GFOD1: variants seen among roughly 807,000 people sequenced by gnomAD.
The protein encoded by GFOD1 is Gfo/Idh/MocA-like oxidoreductase domain containing 1.
A neutral mutation model predicts 25.4 loss-of-function variants in GFOD1; 9 were observed. The observed-to-expected ratio is 0.35, with a 90% CI of 0.21 to 0.62. The LOEUF (loss-of-function observed/expected upper bound fraction) is 0.62, where lower values mean the gene tolerates loss of function less well. Ranked by LOEUF, GFOD1 falls within the 20% of genes least tolerant of loss-of-function variation. The probability of loss-of-function intolerance (pLI) is 0.72; values close to 1 mark genes in which losing one functional copy is unlikely to be tolerated. For missense variants in GFOD1, 403 were observed against 556.9 expected (o/e 0.72, Z 2.78); for synonymous variants, 253 against 245.6 (o/e 1.03, Z -0.28).
intron 1 of GFOD1, among the ~76,000 whole-genome samples, chr6:13,447,177 T>A (rs1451436370): frequency 1.3e-5 from 2 of 152,202 alleles, no homozygotes; most frequent in African/African-American, 4.8e-5. Flanking sequence ...GGCTGAAATC[T>A]GAGATGAAGG....
At chr6:13,371,660 G>C (rs967975871) in intron 1 of GFOD1, among the ~76,000 whole-genome samples, 1 of 152,204 alleles carries the variant, frequency 6.6e-6, no homozygotes, top group African/African-American at 2.4e-5. Flanking sequence ...TTTGTGTTTT[G>C]CCAAGCCCCA....
chr6:13,385,088 G>C (rs1785441862), intron 1 of GFOD1, among the ~76,000 whole-genome samples: 1 of 152,172 alleles, frequency 6.6e-6, no homozygotes. Context: ...CCTACAATGA[G>C]AGTTGCAGGC....
intron 1 of GFOD1, among the ~76,000 whole-genome samples, chr6:13,451,285 T>C (rs544900092): frequency 9.9e-5 from 15 of 152,228 alleles, no homozygotes; most frequent in African/African-American, 2.2e-4. Context: ...GGCTTTGACA[T>C]TGACGAGGCC....
intron 1 of GFOD1, among the ~76,000 whole-genome samples, chr6:13,424,365 G>A (rs767956500): frequency 1.2e-4 from 18 of 152,020 alleles, no homozygotes; most frequent in Non-Finnish European, 2.1e-4. Flanking sequence ...GATGATGATG[G>A]TGACCACGGT....
chr6:13,448,893 CAG>C (rs991403028), intron 1 of GFOD1, among the ~76,000 whole-genome samples: 4 of 152,190 alleles, frequency 2.6e-5, no homozygotes, highest in South Asian at 2.1e-4. Flanking sequence ...GTCTCTAAAA[CAG>C]GGGCTAATTT....
intron 1 of GFOD1, chr6:13,470,298 G>A (rs371728905): frequency 7.4e-5 from 118 of 1,585,180 alleles, no homozygotes; most frequent in Non-Finnish European, 2.1e-5. Context: ...GGCTGTGGCT[G>A]GAGGCCCGCT....
At chr6:13,470,526 G>A (rs530128402) in intron 1 of GFOD1, 11 of 1,549,662 alleles carry the variant, frequency 7.1e-6, no homozygotes, top group Admixed American at 3.9e-5. Context: ...TGTCCCATGT[G>A]GGGGTGCTGG....
chr6:13,399,739 A>T (rs1294106238), intron 1 of GFOD1, among the ~76,000 whole-genome samples: 1 of 152,246 alleles, frequency 6.6e-6, no homozygotes, highest in African/African-American at 2.4e-5. Context: ...TGAGGCTGGG[A>T]GGGTAGAGAA....
intron 1 of GFOD1, chr6:13,408,173 G>C: frequency 1.3e-6 from 1 of 762,376 alleles, no homozygotes; most frequent in Non-Finnish European, 1.6e-6. Flanking sequence ...AATAGCCTCT[G>C]CCTGATCAGA....
At position 13,360,535 on chromosome 6, in the gene GFOD1, T is replaced by C. The variant is rs1275220708; in HGVS notation, c.*4208A>G. On this transcript the variant is annotated 3_prime_UTR_variant, in exon 2 of 2. Transcript: ENST00000379287. ...CAAGAGCAAATTCCAAGGCCATCTA[T>C]AATAGTCAGCCAACAAGATTTTGAA... is the stretch of plus-strand genomic sequence containing the variant. 6 of 369,760 alleles carry C rather than the reference T, an allele frequency of 1.6e-5. No individual in the cohort carries two copies. The highest frequency in any genetic ancestry group is 2.7e-5 in the Non-Finnish European group (5 of 184,156). The allele number at this position is 369,760 out of a possible 1,614,324, so 22.9% of individuals were successfully genotyped here.
rs1025914656 is a variant in GFOD1, at chr6:13,433,363, C to T, written c.253+53275G>A. Among the ~76,000 whole-genome samples the T allele has an allele frequency of 3.3e-5, 5 of 152,202 alleles. 1 individual carries two copies. Among genetic ancestry groups the T allele is most frequent in the Admixed American group, 2.6e-4 (4 of 15,288 alleles). On this transcript the variant is annotated intron_variant, in intron 1 of 1. Coordinates refer to ENST00000379287, the MANE Select transcript of GFOD1 (RefSeq NM_018988.4). ...CAAACTCTTGACCTCAGATCATCTACCTGCCTTGGCCTCCCAAAGTGCTGG... is the reference window on the plus strand; with the variant it reads ...CAAACTCTTGACCTCAGATCATCTATCTGCCTTGGCCTCCCAAAGTGCTGG...
Position 13,360,783 on chromosome 6 carries a change from T to C in GFOD1, c.*3960A>G, listed in dbSNP as rs1562190206. ...GTGGAGCCGCAGGTTAGTCCATGCTTGTCACAGTCCTTCCTGGGTGTGAGA... is the reference window on the plus strand; with the variant it reads ...GTGGAGCCGCAGGTTAGTCCATGCTCGTCACAGTCCTTCCTGGGTGTGAGA... On this transcript the variant is annotated 3_prime_UTR_variant, in exon 2 of 2. Coordinates refer to ENST00000379287, the MANE Select transcript of GFOD1 (RefSeq NM_018988.4). The C allele has an allele frequency of 2.2e-6, 1 of 456,744 alleles. No individual in the cohort carries two copies. The highest frequency in any genetic ancestry group is 4.4e-6 in the Non-Finnish European group (1 of 226,964). 28.3% of individuals were successfully genotyped at this position (456,744 alleles called of 1,614,324 possible). A position where few individuals can be genotyped will look rare whatever the true frequency, so the allele number is the denominator to read the frequency against.
chr6:13,459,106 G>A (rs1020610421), intron 1 of GFOD1, among the ~76,000 whole-genome samples: 2 of 152,136 alleles, frequency 1.3e-5, no homozygotes, highest in Non-Finnish European at 2.9e-5. Context: ...TCTGATGAGT[G>A]GGTTAATGCT....
At chr6:13,401,210 G>A (rs72826932) in intron 1 of GFOD1, among the ~76,000 whole-genome samples, 5,236 of 152,304 alleles carry the variant, frequency 0.034, 143 homozygotes, top group Non-Finnish European at 0.059. Context: ...AAAAAAGAGG[G>A]ACTCTTAGAA....
intron 1 of GFOD1, among the ~76,000 whole-genome samples, chr6:13,425,891 A>G (rs1329011785): frequency 1.3e-5 from 2 of 151,892 alleles, no homozygotes; most frequent in Non-Finnish European, 2.9e-5. Flanking sequence ...AAAAAGAAGA[A>G]GAAAGAAAGA....
At chr6:13,371,846 CT>C (rs1050243385) in intron 1 of GFOD1, among the ~76,000 whole-genome samples, 73 of 152,280 alleles carry the variant, frequency 4.8e-4, no homozygotes, top group African/African-American at 1.7e-3. Flanking sequence ...GCTCGCCCCC[CT>C]GAGGGCTCTG....
chr6:13,369,764 A>C (rs1785113502), intron 1 of GFOD1, among the ~76,000 whole-genome samples: 1 of 152,224 alleles, frequency 6.6e-6, no homozygotes, highest in African/African-American at 2.4e-5. Flanking sequence ...AACCATAGAA[A>C]ATGATGCTTA....
At chr6:13,434,382 A>G (rs1342502011) in intron 1 of GFOD1, among the ~76,000 whole-genome samples, 1 of 147,216 alleles carries the variant, frequency 6.8e-6, no homozygotes, top group African/African-American at 2.5e-5. Flanking sequence ...AATCAAGTGC[A>G]TGGCATTATG....
At chr6:13,391,843 C>T (rs1256401571) in intron 1 of GFOD1, among the ~76,000 whole-genome samples, 1 of 152,190 alleles carries the variant, frequency 6.6e-6, no homozygotes, top group African/African-American at 2.4e-5. Flanking sequence ...GGGTCTGGGA[C>T]ACAGTCCATG....
Sources: gnomAD v4.1 joint callset for allele counts (sites outside exome capture counted in the v4.1 genomes callset) on GRCh38, gnomAD v4.1.1 for gene constraint, MANE v1.5 for transcripts, NCBI Gene and HGNC (gene_info 2026-07-23, HGNC 2026-07-21) for gene names.